The following ZNF451 variants were observed in gnomAD, a reference collection of about 807,000 sequenced individuals.
ZNF451 encodes the protein E3 SUMO-protein ligase ZNF451.
ZNF451 carries 80 observed loss-of-function variants against 107.1 expected under a neutral mutation model. The ratio of observed to expected loss-of-function variants is 0.75; its 90% CI spans 0.62 to 0.90. The LOEUF is 0.90. ZNF451 is among the 40% of genes least tolerant of loss of function. The pLI is 0.00. For missense variants in ZNF451, 1,107 were observed against 1,236.2 expected, an observed-to-expected ratio of 0.90 and a Z score of 1.57; for synonymous variants, 362 against 406.5, an observed-to-expected ratio of 0.89 and a Z score of 1.32.
intron 13 of ZNF451, 89 bp downstream of exon 13, chr6:57,154,136 C>T: frequency 7.9e-7 from 1 of 1,258,522 alleles, no homozygotes. Flanking sequence ...CGCTAGTGAA[C>T]TGTTGCCTGC....
intron 4 of ZNF451, among the ~76,000 whole-genome samples, chr6:57,127,513 T>C (rs755595940): frequency 1.3e-5 from 2 of 152,184 alleles, no homozygotes; most frequent in Non-Finnish European, 2.9e-5. Context: ...AACTAGGCCA[T>C]ACATTATTAT....
rs1763999015 is a variant in ZNF451, at chr6:57,168,480, TACC to T, written c.*14_*16del. ...CTTGAGGAAATGTAATTAAAGATAT[TACC>T]ACACAACATCAAGTGGCCTTGAAGA... On this transcript the variant is annotated 3_prime_UTR_variant, in exon 15 of 15. Coordinates refer to ENST00000370706, the MANE Select transcript of ZNF451 (RefSeq NM_001031623.3). 1 of 1,602,078 alleles carries T rather than the reference TACC, an allele frequency of 6.2e-7. No homozygotes were observed. The highest frequency in any genetic ancestry group is 8.5e-7 in the Non-Finnish European group (1 of 1,172,166).
chr6:57,132,969 C>T (rs1163589666), intron 5 of ZNF451, 73 bp from the exon 6 acceptor site: 14 of 1,512,636 alleles, frequency 9.3e-6, no homozygotes, highest in Non-Finnish European at 1.2e-5. Flanking sequence ...TTGTTTTGTC[C>T]TAATTTTGAT....
rs1027203808 is a variant in ZNF451 at position 57,108,756 on chromosome 6, G to A, written c.186+9615G>A. On this transcript the variant is annotated intron_variant, in intron 3 of 14. Coordinates refer to ENST00000370706, the MANE Select transcript of ZNF451 (RefSeq NM_001031623.3). The stretch of plus-strand genomic sequence containing the variant: ...CATCTTCCTGCCTGGGAAGGCAGTA[G>A]AAGAAAGAATCTACATTTGTATAGT... The A allele has an allele frequency of 3.2e-5, 32 of 985,302 alleles. No homozygotes were observed. The African/African-American group carries it at 5.1e-4, about 16-fold the overall frequency. 61.0% of individuals were successfully genotyped at this position (985,302 alleles called of 1,614,324 possible).
intron 3 of ZNF451, chr6:57,124,312 C>A: frequency 1.5e-6 from 1 of 658,266 alleles, no homozygotes; most frequent in Non-Finnish European, 2.7e-6. Context: ...AACTCTCAGG[C>A]TCGTCCACGC....
intron 11 of ZNF451, 33 bp downstream of exon 11, chr6:57,150,895 T>C (rs772691293): frequency 6.2e-6 from 10 of 1,611,930 alleles, no homozygotes; most frequent in Non-Finnish European, 8.5e-6. Flanking sequence ...AAGAAAACTT[T>C]TTCCCACCTC....
chr6:57,105,299 G>A (rs1829799502), intron 3 of ZNF451: 1 of 983,936 alleles, frequency 1.0e-6, no homozygotes, highest in East Asian at 1.1e-4. Context: ...GTTATTTCTT[G>A]ATTAGATATA....
At chr6:57,156,376 A>AG (rs1460622713) in intron 13 of ZNF451, among the ~76,000 whole-genome samples, 1 of 152,176 alleles carries the variant, frequency 6.6e-6, no homozygotes, top group African/African-American at 2.4e-5. Flanking sequence ...GTTGAGTAAT[A>AG]GTTTCTATTA....
intron 3 of ZNF451, chr6:57,101,539 G>C (rs1443825185): frequency 6.4e-7 from 1 of 1,550,812 alleles, no homozygotes; most frequent in African/African-American, 1.4e-5. Flanking sequence ...GGAGGTCATG[G>C]GTTGTAGGTT....
At chr6:57,154,126 C>G in intron 13 of ZNF451, 79 bp downstream of exon 13, 2 of 1,371,976 alleles carry the variant, frequency 1.5e-6, no homozygotes, top group Non-Finnish European at 2.1e-6. Context: ...AACTGCTGTC[C>G]GCTAGTGAAC....
chr6:57,159,149 TAAG>T, intron 13 of ZNF451: 2 of 985,314 alleles, frequency 2.0e-6, no homozygotes, highest in Non-Finnish European at 2.4e-6. Context: ...GTACTGAAAA[TAAG>T]AAAGAATATT....
intron 5 of ZNF451, among the ~76,000 whole-genome samples, chr6:57,132,052 GATTA>G (rs1831202497): frequency 6.6e-6 from 1 of 152,194 alleles, no homozygotes; most frequent in East Asian, 1.9e-4. Flanking sequence ...GATAAAGGAG[GATTA>G]ATTAAGAGAA....
chr6:57,119,015 C>T (rs536291179), intron 3 of ZNF451, among the ~76,000 whole-genome samples: 1 of 152,268 alleles, frequency 6.6e-6, no homozygotes, highest in South Asian at 2.1e-4. Context: ...ACAGTCCCTA[C>T]TGCAAAGGTG....
chr6:57,103,271 A>G lies in ZNF451; in HGVS notation c.186+4130A>G, dbSNP rs140520787. On this transcript the variant is annotated intron_variant, in intron 3 of 14. Transcript: ENST00000370706. ...CATAGCTGTGGATGTGGTGAAGAGA[A>G]CAAGCCACACAGCTCTGTTTCTGGA... The G allele has an allele frequency of 1.8e-5, 18 of 985,462 alleles. No homozygotes were observed. In the Admixed American group the frequency reaches 4.3e-4, roughly 24 times the overall value. The allele number at this position is 985,462 out of a possible 1,614,324, so 61.0% of individuals were successfully genotyped here.
intron 3 of ZNF451, 91 bp from the exon 4 acceptor site, chr6:57,124,643 T>C (rs1177239713): frequency 2.1e-6 from 2 of 936,548 alleles, no homozygotes; most frequent in African/African-American, 1.7e-5. Flanking sequence ...AAGTAAATGG[T>C]TCTTTAGTAT....
intron 3 of ZNF451, chr6:57,109,862 C>T (rs999823222): frequency 2.3e-6 from 1 of 426,836 alleles, no homozygotes; most frequent in Non-Finnish European, 3.1e-6. Flanking sequence ...TGAAAACAGT[C>T]TTTTAGTTTG....
intron 5 of ZNF451, among the ~76,000 whole-genome samples, chr6:57,131,870 T>C (rs180718851): frequency 6.6e-6 from 1 of 152,340 alleles, no homozygotes; most frequent in East Asian, 1.9e-4. Context: ...TGAATCAGAA[T>C]ACTTGTGGTT....
At chr6:57,152,432 C>T (rs1046292065) in intron 12 of ZNF451, 81 bp downstream of exon 12, 12 of 1,488,314 alleles carry the variant, frequency 8.1e-6, no homozygotes, top group Non-Finnish European at 1.1e-5. Flanking sequence ...TGTAATGAGA[C>T]TTATAGATCA....
intron 7 of ZNF451, among the ~76,000 whole-genome samples, chr6:57,135,371 T>C (rs1415747317): frequency 6.6e-6 from 1 of 152,172 alleles, no homozygotes; most frequent in Admixed American, 6.5e-5. Context: ...AGAACTCTAA[T>C]GGGTTTTTAC....
Sources: allele counts gnomAD v4.1 joint callset (sites outside exome capture counted in the v4.1 genomes callset), GRCh38; gene constraint gnomAD v4.1.1; transcripts MANE v1.5; gene names NCBI Gene and HGNC (gene_info 2026-07-23, HGNC 2026-07-21).